Variants in TAFA1 observed in about 807,000 individuals in gnomAD.
TAFA1 encodes chemokine-like protein TAFA-1.
Under a neutral mutation model 18.5 loss-of-function variants are expected in TAFA1, and 4 were observed. The ratio of observed to expected loss-of-function variants is 0.22; its 90% CI spans 0.11 to 0.49. The LOEUF (loss-of-function observed/expected upper bound fraction) is 0.49, where lower values mean the gene tolerates loss of function less well. Among genes scored for constraint, TAFA1 ranks in the 20% least tolerant of loss-of-function variants. The probability of loss-of-function intolerance (pLI) is 0.98; values close to 1 mark genes in which losing one functional copy is unlikely to be tolerated. For missense variants in TAFA1, 147 were observed against 169.0 expected, an observed-to-expected ratio of 0.87 and a Z score of 0.72; for synonymous variants, 56 against 55.2, an observed-to-expected ratio of 1.01 and a Z score of -0.06.
At chr3:68,000,215 C>T (rs570550583), upstream of TAFA1, among the ~76,000 whole-genome samples, 18 of 152,222 alleles carry the variant, frequency 1.2e-4, no homozygotes, top group Admixed American at 9.8e-4. Context: ...CTACTATATG[C>T]CAGGCAGTAT....
At chr3:68,260,086 G>C (rs2067383760) in intron 2 of TAFA1, among the ~76,000 whole-genome samples, 1 of 152,126 alleles carries the variant, frequency 6.6e-6, no homozygotes, top group African/African-American at 2.4e-5. Context: ...GTCATAGATA[G>C]CTCTTATTAT....
At chr3:68,110,720 C>T (rs1183460682) in intron 2 of TAFA1, among the ~76,000 whole-genome samples, 1 of 152,028 alleles carries the variant, frequency 6.6e-6, no homozygotes, top group Admixed American at 6.6e-5. Flanking sequence ...TGATGAATTG[C>T]ATGTACAATG....
At chr3:68,222,982 A>G (rs914390033) in intron 2 of TAFA1, among the ~76,000 whole-genome samples, 9 of 152,124 alleles carry the variant, frequency 5.9e-5, no homozygotes, top group African/African-American at 2.2e-4. Flanking sequence ...CCTGGCCAGT[A>G]TTGTTTTTTA....
chr3:68,286,912 A>G (rs1440705914), intron 2 of TAFA1, among the ~76,000 whole-genome samples: 1 of 152,202 alleles, frequency 6.6e-6, no homozygotes, highest in Non-Finnish European at 1.5e-5. Context: ...CCTGACATCA[A>G]GCTGTTAACA....
At chr3:68,236,081 T>G (rs571426987) in intron 2 of TAFA1, among the ~76,000 whole-genome samples, 2 of 152,158 alleles carry the variant, frequency 1.3e-5, no homozygotes, top group Non-Finnish European at 2.9e-5. Flanking sequence ...AGAGTAAAAC[T>G]ACCACAACAC....
At chr3:68,460,012 A>G (rs2071745418) in intron 3 of TAFA1, among the ~76,000 whole-genome samples, 1 of 152,162 alleles carries the variant, frequency 6.6e-6, no homozygotes, top group Admixed American at 6.5e-5. Flanking sequence ...GAGATGGACA[A>G]CTGCATATCA....
intron 2 of TAFA1, among the ~76,000 whole-genome samples, chr3:68,273,901 A>C (rs1240945114): frequency 6.6e-6 from 1 of 152,052 alleles, no homozygotes; most frequent in Non-Finnish European, 1.5e-5. Context: ...TCTCTAAGGG[A>C]CTCGTATGTC....
At position 68,544,884 on chromosome 3, in the gene TAFA1, C is replaced by T. The variant is rs150592637; in HGVS notation, c.*381C>T. 263 of 152,248 alleles carry T rather than the reference C, an allele frequency of 1.7e-3. 1 individual carries two copies. Among genetic ancestry groups the T allele is most frequent in the African/African-American group, 5.9e-3 (243 of 41,500 alleles). 9.4% of individuals were successfully genotyped at this position (152,248 alleles called of 1,614,324 possible). A position where few individuals can be genotyped will look rare whatever the true frequency, so the allele number is the denominator to read the frequency against. Reference sequence around the variant, plus strand: ...AAATGAACAGTACCACAGTTTGAGACGGCTGGTGTACCCCTTTGAGTTTTG... The same window carrying T: ...AAATGAACAGTACCACAGTTTGAGATGGCTGGTGTACCCCTTTGAGTTTTG... On this transcript the variant is annotated 3_prime_UTR_variant, in exon 5 of 5. Transcript: ENST00000478136.
At chr3:68,026,557 A>ATT (rs750465316) in intron 2 of TAFA1, among the ~76,000 whole-genome samples, 104 of 152,214 alleles carry the variant, frequency 6.8e-4, no homozygotes, top group Non-Finnish European at 3.1e-4. Context: ...CCACATATAT[A>ATT]CATCTGTATA....
At chr3:68,237,224 T>A (rs1424316606) in intron 2 of TAFA1, among the ~76,000 whole-genome samples, 1 of 152,178 alleles carries the variant, frequency 6.6e-6, no homozygotes, top group Non-Finnish European at 1.5e-5. Context: ...ACAGATGGTG[T>A]CTTCTCAATG....
rs143663675 is a variant in TAFA1 at position 68,402,090 on chromosome 3, A to G, written c.119-15190A>G. Among the ~76,000 whole-genome samples the G allele has an allele frequency of 6.8e-3, 1,042 of 152,328 alleles. 14 individuals are homozygous for G. The highest frequency in any genetic ancestry group is 0.024 in the African/African-American group (1,001 of 41,572). Reference sequence around the variant, plus strand: ...AAGAATTTAGCCAGCCTGCTTTGCCATAGCTACATAACCCAGAAGACAAAA... The same window carrying G: ...AAGAATTTAGCCAGCCTGCTTTGCCGTAGCTACATAACCCAGAAGACAAAA... On this transcript the variant is annotated intron_variant, in intron 2 of 4. Coordinates refer to ENST00000478136, the MANE Select transcript of TAFA1 (RefSeq NM_213609.4).
intron 2 of TAFA1, among the ~76,000 whole-genome samples, chr3:68,011,755 G>T (rs181121936): frequency 1.3e-5 from 2 of 152,304 alleles, no homozygotes; most frequent in Admixed American, 1.3e-4. Context: ...GTTATTCGGT[G>T]CAAGCTGGTG....
chr3:68,409,768 C>A (rs898862393), intron 2 of TAFA1, among the ~76,000 whole-genome samples: 2 of 152,056 alleles, frequency 1.3e-5, no homozygotes, highest in Non-Finnish European at 2.9e-5. Context: ...AAAATTTGAC[C>A]CAGTTTGTAG....
At chr3:68,468,527 A>T (rs930735655) in intron 3 of TAFA1, among the ~76,000 whole-genome samples, 7 of 152,210 alleles carry the variant, frequency 4.6e-5, no homozygotes, top group Admixed American at 3.9e-4. Flanking sequence ...CTAGCAGAGC[A>T]CCCACACTGC....
intron 2 of TAFA1, among the ~76,000 whole-genome samples, chr3:68,084,115 C>T (rs910732087): frequency 1.3e-5 from 2 of 152,126 alleles, no homozygotes; most frequent in African/African-American, 4.8e-5. Flanking sequence ...TGACCAAACA[C>T]GTGATGTGAT....
intron 2 of TAFA1, among the ~76,000 whole-genome samples, chr3:68,177,473 C>T (rs1013540676): frequency 6.6e-6 from 1 of 152,168 alleles, no homozygotes; most frequent in African/African-American, 2.4e-5. Flanking sequence ...AGAAACTTGT[C>T]ATCCTGAGAC....
intron 2 of TAFA1, among the ~76,000 whole-genome samples, chr3:68,021,133 C>T (rs1269993892): frequency 8.2e-6 from 1 of 121,380 alleles, no homozygotes; most frequent in Non-Finnish European, 1.6e-5. Context: ...CTTCAGTGAG[C>T]CAAGATCGTG....
At chr3:68,321,444 G>C (rs1477249586) in intron 2 of TAFA1, among the ~76,000 whole-genome samples, 1 of 152,160 alleles carries the variant, frequency 6.6e-6, no homozygotes, top group African/African-American at 2.4e-5. Context: ...GAGAAAGAAA[G>C]AGGGAAGTTA....
the TAFA1 span, among the ~76,000 whole-genome samples, chr3:67,996,098 T>C: frequency 6.6e-6 from 1 of 152,164 alleles, no homozygotes. Flanking sequence ...TTGGAGTGTA[T>C]GAAGCAGGGA....
Sources: gnomAD v4.1 joint callset for allele counts (sites outside exome capture counted in the v4.1 genomes callset) on GRCh38, gnomAD v4.1.1 for gene constraint, MANE v1.5 for transcripts, NCBI Gene and HGNC (gene_info 2026-07-23, HGNC 2026-07-21) for gene names.